Variants in POLA2 observed in about 807,000 individuals in gnomAD.
The protein encoded by POLA2 is DNA polymerase alpha 2, accessory subunit, also known as DNA polymerase alpha subunit B.
In POLA2, 47 loss-of-function variants were observed where a neutral mutation model predicts 82.8. The ratio of observed to expected loss-of-function variants is 0.57; its 90% confidence interval spans 0.45 to 0.72. POLA2 has a LOEUF of 0.72. POLA2 is among the 30% of genes least tolerant of loss of function. The pLI is 0.00. For synonymous variants in POLA2, 287 were observed against 286.8 expected (o/e 1.00, Z -0.01); for missense variants, 634 against 728.1 (o/e 0.87, Z 1.49).
At chr11:65,283,470 A>C (rs1411521656) in intron 10 of POLA2, among the ~76,000 whole-genome samples, 1 of 151,992 alleles carries the variant, frequency 6.6e-6, no homozygotes, top group African/African-American at 2.4e-5. Context: ...ACTTAAAAAT[A>C]ACTTCCTTTT....
downstream of POLA2, among the ~76,000 whole-genome samples, chr11:65,300,226 G>A (rs1157119406): frequency 6.6e-6 from 1 of 151,424 alleles, no homozygotes; most frequent in Non-Finnish European, 1.5e-5. Context: ...ACAGAGTTTT[G>A]CTCTTGTCAC....
At chr11:65,281,644 C>T (rs1456126890) in intron 8 of POLA2, 26 bp from the exon 9 acceptor site, 5 of 1,570,576 alleles carry the variant, frequency 3.2e-6, no homozygotes, top group Non-Finnish European at 4.4e-6. Flanking sequence ...CACTGCTTAG[C>T]AATCCTGTTT....
In POLA2 at chr11:65,289,094, T is replaced by A. The variant is rs1331704467; in HGVS notation, c.1170+6T>A. On this transcript the variant is annotated splice_donor_region_variant and intron_variant, in intron 12 of 17. Transcript: ENST00000265465. The stretch of plus-strand genomic sequence containing the variant: ...CTAAGCATGAACAGGTGGAGGTGAG[T>A]GGGCTGGGGTGGGAAGGGGTCCTGG... 6.2e-7 allele frequency: 1 copy of A among 1,608,348 alleles called. No homozygotes were observed. The highest frequency in any genetic ancestry group is 1.7e-5 in the Admixed American group (1 of 59,702).
At chr11:65,304,398 TCCATCAACCCACCCATCAACCCAC>T (rs548580442) in intron 8 of POLA2, among the ~76,000 whole-genome samples, 3 of 143,576 alleles carry the variant, frequency 2.1e-5, no homozygotes, top group Non-Finnish European at 4.6e-5. Context: ...TTTTCATCCA[TCCATCAACCCACCCATCAACCCAC>T]CCATCCACCC....
intron 10 of POLA2, among the ~76,000 whole-genome samples, chr11:65,286,621 C>T (rs1202255968): frequency 6.6e-6 from 1 of 152,120 alleles, no homozygotes; most frequent in Non-Finnish European, 1.5e-5. Flanking sequence ...ACCTCCTGAG[C>T]TCAAGGGATC....
At chr11:65,302,877 G>A (rs554984024), downstream of POLA2, among the ~76,000 whole-genome samples, 6 of 152,010 alleles carry the variant, frequency 3.9e-5, no homozygotes, top group East Asian at 5.8e-4. Context: ...ACAGGTGTGC[G>A]CCACCACACC....
At chr11:65,294,702 C>T in intron 15 of POLA2, 50 bp downstream of exon 15, 1 of 1,286,986 alleles carries the variant, frequency 7.8e-7, no homozygotes, top group South Asian at 1.2e-5. Flanking sequence ...TTTCTGGTCC[C>T]AGCCCTTTCT....
chr11:65,295,793 C>T (rs1370190442), intron 16 of POLA2, 71 bp from the exon 17 acceptor site: 1 of 1,563,940 alleles, frequency 6.4e-7, no homozygotes, highest in Non-Finnish European at 8.8e-7. Flanking sequence ...AAGCCAGTAC[C>T]TAGGGGGACT....
chr11:65,293,578 C>T (rs1469815942), intron 13 of POLA2, among the ~76,000 whole-genome samples: 5 of 148,344 alleles, frequency 3.4e-5, no homozygotes, highest in East Asian at 2.0e-4. Context: ...CACTGCACTC[C>T]GGCCTGGGCG....
rs116258758 is a variant in POLA2 at position 65,270,756 on chromosome 11, C to T, written c.354+2027C>T. Among the ~76,000 whole-genome samples the T allele has an allele frequency of 6.3e-3, 962 of 152,316 alleles. 9 individuals are homozygous for T. Among genetic ancestry groups the T allele is most frequent in the African/African-American group, 0.022 (898 of 41,558 alleles). The stretch of plus-strand genomic sequence containing the variant: ...GTCTCCTGAATGATTGGGACAGCCT[C>T]CTAACTAGTCCATTGGCTTCTTTCT... On this transcript the variant is annotated intron_variant, in intron 4 of 17. Transcript: ENST00000265465.
At chr11:65,288,501 G>GTTT in intron 11 of POLA2, among the ~76,000 whole-genome samples, 1 of 131,742 alleles carries the variant, frequency 7.6e-6, no homozygotes, top group Non-Finnish European at 1.6e-5. Flanking sequence ...TTTATTGTTC[G>GTTT]TTTGTTTTTT....
intron 11 of POLA2, 125 bp downstream of exon 11, chr11:65,287,965 A>C: frequency 2.0e-6 from 2 of 1,020,362 alleles, no homozygotes; most frequent in Non-Finnish European, 2.8e-6. Flanking sequence ...TTCTTAATCT[A>C]CATCTTTGGA....
downstream of POLA2, among the ~76,000 whole-genome samples, chr11:65,302,593 G>A (rs1949864751): frequency 6.6e-6 from 1 of 152,158 alleles, no homozygotes. Flanking sequence ...GAGGACTCGA[G>A]GCCCCTTCAA....
chr11:65,288,533 A>G (rs112136820), intron 11 of POLA2, among the ~76,000 whole-genome samples: 1,435 of 70,326 alleles, frequency 0.02, 22 homozygotes, highest in African/African-American at 0.057. Flanking sequence ...TTTTTTTGGG[A>G]CAGAGTTTCA....
At chr11:65,266,290 G>A (rs1049891908) in intron 1 of POLA2, among the ~76,000 whole-genome samples, 6 of 152,078 alleles carry the variant, frequency 3.9e-5, no homozygotes, top group African/African-American at 1.4e-4. Context: ...GCCACTTCTC[G>A]CCATCTCCAC....
At chr11:65,283,501 G>A (rs1354560083) in intron 10 of POLA2, among the ~76,000 whole-genome samples, 5 of 151,226 alleles carry the variant, frequency 3.3e-5, no homozygotes, top group South Asian at 2.1e-4. Flanking sequence ...ATGGAGTCTC[G>A]CTCTGCCCCC....
At chr11:65,303,342 CAA>C (rs917292541), downstream of POLA2, among the ~76,000 whole-genome samples, 11 of 51,600 alleles carry the variant, frequency 2.1e-4, no homozygotes, top group Admixed American at 4.4e-4. Context: ...ACTCTGTCTC[CAA>C]AAAAAAAAAA....
Position 65,281,733 on chromosome 11 carries a change from G to A in POLA2, c.963+1G>A. 6.2e-7 allele frequency: 1 copy of A among 1,610,798 alleles called. No homozygotes were observed. Among genetic ancestry groups the A allele is most frequent in the East Asian group, 2.2e-5 (1 of 44,862 alleles). On this transcript the variant is annotated splice_donor_variant, in intron 9 of 17. Transcript: ENST00000265465. LOFTEE classifies it high-confidence loss of function. ...ACTTGTTGCCACCAAACTCTACGAG[G>A]TACACAGCAGTACCCCCACTTGCCT...
At position 65,293,581 on chromosome 11, in the gene POLA2, C is replaced by T. The variant is rs151135740; in HGVS notation, c.1245-572C>T. ...CCCACATCATGCCACTGCACTCCGG[C>T]CTGGGCGACAGAGTGAGGCTCTGTC... On this transcript the variant is annotated intron_variant, in intron 13 of 17. Coordinates refer to ENST00000265465, the MANE Select transcript of POLA2 (RefSeq NM_002689.4). Among the ~76,000 whole-genome samples, 827 of 149,964 alleles carry T rather than the reference C, an allele frequency of 5.5e-3. 12 individuals carry two copies. Among genetic ancestry groups the T allele is most frequent in the African/African-American group, 0.019 (759 of 40,322 alleles).
Sources: allele counts gnomAD v4.1 joint callset (sites outside exome capture counted in the v4.1 genomes callset), GRCh38; gene constraint gnomAD v4.1.1; transcripts MANE v1.5; gene names NCBI Gene and HGNC (gene_info 2026-07-23, HGNC 2026-07-21).